Variants in JAML observed in about 807,000 individuals in gnomAD.
JAML encodes junction adhesion molecule like.
In JAML, 25 loss-of-function variants were observed where a neutral mutation model predicts 39.3. That is an observed-to-expected ratio of 0.64 (90% CI 0.46 to 0.89). The LOEUF is 0.89. JAML is among the 40% of genes least tolerant of loss of function. JAML has a pLI of 0.00. For synonymous variants in JAML, 162 were observed against 179.2 expected (o/e 0.90, Z 0.77); for missense variants, 440 against 486.9 (o/e 0.90, Z 0.91).
At position 118,209,211 on chromosome 11, in the gene JAML, G is replaced by A. The variant is rs1053971593; in HGVS notation, c.424+1276C>T. ...TCAACTAATACCCAGTCAAAGAGGC[G>A]AAAAAAACTTTCTAAATGACTCGGG... On this transcript the variant is annotated intron_variant, in intron 4 of 9. Transcript: ENST00000356289. 5.3e-5 allele frequency: 12 copies of A among 228,284 alleles called. No homozygotes were observed. In the East Asian group the frequency reaches 1.2e-3, roughly 24 times the overall value. The allele number at this position is 228,284 out of a possible 1,614,324, so 14.1% of individuals were successfully genotyped here.
rs1402542924 is a variant in JAML, at chr11:118,203,477, C to G, written c.723G>C (p.Leu241=). The G allele has an allele frequency of 6.2e-7, 1 of 1,614,192 alleles. No homozygotes were observed. Among genetic ancestry groups the G allele is most frequent in the Admixed American group, 1.7e-5 (1 of 60,016 alleles). The change falls in exon 6 of 10, where the codon CTG becomes CTC. Residue 241 remains leucine, a synonymous_variant. Transcript: ENST00000356289. ...GCAGCACAATGGTTTTCTTGAACAC[C>G]AGGTTCCCTAGGTGGATACTGCAGG... ...NYTCSIHLGN[L]VFKKTIVLHV...
chr11:118,200,330 G>T, intron 7 of JAML, 144 bp downstream of exon 7: 2 of 992,614 alleles, frequency 2.0e-6, no homozygotes, highest in Non-Finnish European at 2.9e-6. Context: ...AAAGTGGGCA[G>T]GGTTACCACA....
At chr11:118,197,966 A>G in intron 8 of JAML, 32 bp downstream of exon 8, 1 of 1,589,624 alleles carries the variant, frequency 6.3e-7, no homozygotes, top group Non-Finnish European at 8.6e-7. Context: ...GCCTGCATCT[A>G]CTTAGTGTTT....
chr11:118,203,212 G>A, intron 6 of JAML: 4 of 696,892 alleles, frequency 5.7e-6, no homozygotes, highest in Non-Finnish European at 1.1e-5. Context: ...CCTTGGCCTA[G>A]CAGCAGGGCC....
At chr11:118,206,252 T>G (rs530831060) in intron 4 of JAML, among the ~76,000 whole-genome samples, 40 of 152,312 alleles carry the variant, frequency 2.6e-4, no homozygotes, top group African/African-American at 9.1e-4. Flanking sequence ...GCTGCCCACA[T>G]GTACCAAGCC....
chr11:118,203,123 T>C (rs1393024921), intron 6 of JAML: 3 of 538,924 alleles, frequency 5.6e-6, no homozygotes, highest in Non-Finnish European at 1.1e-5. Context: ...TGAGCTTCTG[T>C]ATCTTTACAT....
At chr11:118,205,522 A>C (rs1812335558) in intron 5 of JAML, 1 of 212,812 alleles carries the variant, frequency 4.7e-6, no homozygotes, top group Non-Finnish European at 9.6e-6. Flanking sequence ...TGTCTAGCCC[A>C]TTGCTTTCTT....
chr11:118,224,590 T>A (rs1423988633), intron 1 of JAML, among the ~76,000 whole-genome samples: 2 of 152,092 alleles, frequency 1.3e-5, no homozygotes, highest in Non-Finnish European at 2.9e-5. Flanking sequence ...AGAAAAACAG[T>A]GAAGAAAGAG....
At chr11:118,217,305 G>A (rs971472645) in intron 1 of JAML, among the ~76,000 whole-genome samples, 1 of 152,226 alleles carries the variant, frequency 6.6e-6, no homozygotes, top group Admixed American at 6.5e-5. Flanking sequence ...TATTCTAAGA[G>A]GAAGCCAGCG....
chr11:118,224,263 A>G (rs570846472), intron 1 of JAML, among the ~76,000 whole-genome samples: 1 of 152,308 alleles, frequency 6.6e-6, no homozygotes, highest in South Asian at 2.1e-4. Context: ...TCTCTTCTCC[A>G]GAGTAGGTTA....
Position 118,210,684 on chromosome 11 carries a change from T to C in JAML, c.227A>G (p.Asn76Ser). ...GAAGCGCCCAATAGGCACACTGAGA[T>C]TGGAGTAATAGTATAGCACATATTC... ...KDEYVLYYYS[N>S]LSVPIGRFQN... The change falls in exon 4 of 10, where the codon AAT becomes AGT. Residue 76 changes from asparagine (N) to serine (S), a missense_variant. Coordinates refer to ENST00000356289, the MANE Select transcript of JAML (RefSeq NM_001098526.2). 3 of 1,614,186 alleles carry C rather than the reference T, an allele frequency of 1.9e-6. No homozygotes were observed. Among genetic ancestry groups the C allele is most frequent in the Non-Finnish European group, 2.5e-6 (3 of 1,180,016 alleles).
At chr11:118,203,818 T>C in intron 5 of JAML, 153 bp from the exon 6 acceptor site, 3 of 658,990 alleles carry the variant, frequency 4.6e-6, no homozygotes, top group South Asian at 3.4e-5. Flanking sequence ...CACAAAGTCA[T>C]GTACACACAC....
Position 118,194,293 on chromosome 11 carries a change from C to G in JAML, c.*32G>C. The G allele has an allele frequency of 1.9e-6, 3 of 1,575,720 alleles. No homozygotes were observed. The highest frequency in any genetic ancestry group is 2.6e-6 in the Non-Finnish European group (3 of 1,145,262). On this transcript the variant is annotated 3_prime_UTR_variant, in exon 10 of 10. Coordinates refer to ENST00000356289, the MANE Select transcript of JAML (RefSeq NM_001098526.2). Reference sequence around the variant, plus strand: ...GACACACACAGGAGAGAGTCTCCACCGCTGCTGAGATGAAGGGACTCTCCA... The same window carrying G: ...GACACACACAGGAGAGAGTCTCCACGGCTGCTGAGATGAAGGGACTCTCCA...
At chr11:118,194,520 T>A (rs1948615253) in intron 9 of JAML, 103 bp from the exon 10 acceptor site, 1 of 892,364 alleles carries the variant, frequency 1.1e-6, no homozygotes, top group Non-Finnish European at 1.8e-6. Flanking sequence ...CCCGGCCCAG[T>A]ACTGAATTTC....
chr11:118,223,020 G>A (rs1174300313), intron 1 of JAML, among the ~76,000 whole-genome samples: 9 of 151,058 alleles, frequency 6.0e-5, no homozygotes, highest in South Asian at 4.2e-4. Flanking sequence ...ACTTGAACTC[G>A]GGAGGCGGAG....
intron 5 of JAML, chr11:118,204,871 G>A (rs1948885371): frequency 6.6e-6 from 1 of 152,136 alleles, no homozygotes. Context: ...AAAAAGCCAT[G>A]TAGATTGCTT....
chr11:118,219,687 G>A (rs183560672), intron 1 of JAML, among the ~76,000 whole-genome samples: 205 of 152,222 alleles, frequency 1.3e-3, no homozygotes, highest in Non-Finnish European at 1.8e-3. Context: ...ATTTGCTGCC[G>A]GTGACATCGG....
intron 3 of JAML, among the ~76,000 whole-genome samples, chr11:118,211,557 A>G (rs1332292551): frequency 1.3e-5 from 2 of 152,140 alleles, no homozygotes; most frequent in Admixed American, 6.5e-5. Flanking sequence ...AGAAATTCTT[A>G]TTTCTACTTA....
In JAML at chr11:118,222,542, A is replaced by G. The variant is rs1440217788; in HGVS notation, c.-21+2399T>C. Among the ~76,000 whole-genome samples the G allele has an allele frequency of 6.6e-6, 1 of 152,164 alleles. No individual in the cohort carries two copies. Among genetic ancestry groups the G allele is most frequent in the Non-Finnish European group, 1.5e-5 (1 of 68,028 alleles). ...TGTATGTATAGTATTTATATAAAAG[A>G]GCTCTAATTAATTGGCTTAAAGAAA... On this transcript the variant is annotated intron_variant, in intron 1 of 9. Transcript: ENST00000356289. The surrounding 1 kb of genome is among the most constrained non-coding windows in gnomAD (Gnocchi z 4.2).
Sources: allele counts gnomAD v4.1 joint callset (sites outside exome capture counted in the v4.1 genomes callset), GRCh38; gene constraint gnomAD v4.1.1; non-coding constraint Gnocchi (gnomAD v3.1); transcripts MANE v1.5; gene names NCBI Gene and HGNC (gene_info 2026-07-23, HGNC 2026-07-21).